The following MAST1 variants were observed in gnomAD, a reference collection of about 807,000 sequenced individuals.
MAST1 encodes the protein microtubule-associated serine/threonine-protein kinase 1.
A neutral mutation model predicts 124.6 loss-of-function variants in MAST1; 40 were observed. The observed-to-expected ratio is 0.32, with a 90% CI of 0.25 to 0.42. The LOEUF (loss-of-function observed/expected upper bound fraction) is 0.42, where lower values mean the gene tolerates loss of function less well. Among genes scored for constraint, MAST1 ranks in the 10% least tolerant of loss-of-function variants. The pLI, the probability that MAST1 is intolerant of heterozygous loss-of-function variation, is 1.00. For missense variants in MAST1, 1,558 were observed against 2,181.9 expected (o/e 0.71, Z 5.70); for synonymous variants, 938 against 939.4 (o/e 1.00, Z 0.03).
At chr19:12,863,317 G>T (rs1345670931) in intron 12 of MAST1, among the ~76,000 whole-genome samples, 1 of 152,092 alleles carries the variant, frequency 6.6e-6, no homozygotes, top group African/African-American at 2.4e-5. Flanking sequence ...GGCCAAATCA[G>T]TATCTCTATG....
rs1255541056 is a variant in MAST1 at position 12,851,289 on chromosome 19, G to A, written c.775-645G>A. Among the ~76,000 whole-genome samples the A allele has an allele frequency of 2.7e-5, 4 of 147,342 alleles. No homozygotes were observed. The East Asian group carries it at 8.0e-4, about 29-fold the overall frequency. ...TTTTCTTTTTTTTTTTTTGAGACAG[G>A]GTCTCTCTCTCTGTCACCCAGGCAG... On this transcript the variant is annotated intron_variant, in intron 7 of 25. Transcript: ENST00000251472.
In MAST1 at chr19:12,866,224, A is replaced by G. The variant is rs1599589150; in HGVS notation, c.2029+122A>G. On this transcript the variant is annotated intron_variant, in intron 17 of 25. Transcript: ENST00000251472. The surrounding 1 kb of genome is among the most constrained non-coding windows in gnomAD (Gnocchi z 5.2). ...ACCAAGATGTGATGCCTAGGTGCGA[A>G]GGTGGTATTTTGGTGGGGGCGGGGC... 3 of 477,364 alleles carry G rather than the reference A, an allele frequency of 6.3e-6. No individual in the cohort carries two copies. The highest frequency in any genetic ancestry group is 5.3e-5 in the Admixed American group (1 of 18,794). The allele number at this position is 477,364 out of a possible 1,614,324, so 29.6% of individuals were successfully genotyped here. A position where few individuals can be genotyped will look rare whatever the true frequency, so the allele number is the denominator to read the frequency against.
chr19:12,873,133 GT>G (rs201035546), intron 24 of MAST1, 190 bp from the exon 25 acceptor site: 8,425 of 607,038 alleles, frequency 0.014, 102 homozygotes, highest in Middle Eastern at 0.044. Context: ...AAGGGGGTGG[GT>G]GGGGACTGAA....
In MAST1 at chr19:12,865,967, C is replaced by G; in HGVS notation, c.1907-13C>G. On this transcript the variant is annotated splice_polypyrimidine_tract_variant and intron_variant, in intron 16 of 25. Coordinates refer to ENST00000251472, the MANE Select transcript of MAST1 (RefSeq NM_014975.3). The surrounding 1 kb of genome is among the most constrained non-coding windows in gnomAD (Gnocchi z 7.1). ...TTGGCCATCAGCTGTGGCTGGAATCCCTTCCGTCCCAGGCGGCGCTTTTGA... is the reference window on the plus strand; with the variant it reads ...TTGGCCATCAGCTGTGGCTGGAATCGCTTCCGTCCCAGGCGGCGCTTTTGA... 2 of 1,613,490 alleles carry G rather than the reference C, an allele frequency of 1.2e-6. No homozygotes were observed. The highest frequency in any genetic ancestry group is 1.7e-6 in the Non-Finnish European group (2 of 1,179,890).
rs1970279553 is a variant in MAST1 at position 12,874,165 on chromosome 19, A to T, written c.4008A>T (p.Ser1336=). The T allele has an allele frequency of 6.5e-7, 1 of 1,541,118 alleles. No individual in the cohort carries two copies. ...VAVRRLGRQE[S]PLSLGADPLL... is the part of the protein sequence containing the mutation. The stretch of plus-strand genomic sequence containing the variant: ...TCCGCCGCCTGGGCCGACAGGAGTC[A>T]CCTTTGAGCCTGGGCGCGGACCCGT... The change falls in exon 26 of 26, where the codon TCA becomes TCT. Residue 1336 remains serine, a synonymous_variant. Coordinates refer to ENST00000251472, the MANE Select transcript of MAST1 (RefSeq NM_014975.3). The surrounding 1 kb of genome is among the most constrained non-coding windows in gnomAD (Gnocchi z 6.6).
In MAST1 at chr19:12,867,757, T is replaced by A. The variant is rs1247973883; in HGVS notation, c.2346T>A (p.Ser782Arg). The A allele has an allele frequency of 6.5e-7, 1 of 1,539,994 alleles. No homozygotes were observed. Among genetic ancestry groups the A allele is most frequent in the Non-Finnish European group, 8.7e-7 (1 of 1,143,564 alleles). The change falls in exon 20 of 26, where the codon AGT becomes AGA. Residue 782 changes from serine (S) to arginine (R), a missense_variant. Physicochemically the swap from Ser to Arg is moderately radical, Grantham distance 110. Transcript: ENST00000251472. Reference protein sequence around the residue: ...EIKRFSASEASFLEGEASPPL... With the variant: ...EIKRFSASEARFLEGEASPPL... Reference sequence around the variant, plus strand: ...AGCGATTCTCCGCGTCCGAGGCCAGTTTCCTGGAGGGAGAGGCCAGTCCCC... The same window carrying A: ...AGCGATTCTCCGCGTCCGAGGCCAGATTCCTGGAGGGAGAGGCCAGTCCCC...
rs748262889 is a variant in MAST1 at position 12,852,108 on chromosome 19, G to T, written c.877-7G>T. The T allele has an allele frequency of 6.2e-7, 1 of 1,613,564 alleles. No homozygotes were observed. The highest frequency in any genetic ancestry group is 1.3e-5 in the African/African-American group (1 of 74,956). ...CCTGTGGTGAGCCCACTCCTGCCCT[G>T]CCTCAGGAATTCAACCCCGAGGAGT... On this transcript the variant is annotated splice_polypyrimidine_tract_variant and splice_region_variant and intron_variant, in intron 8 of 25. Coordinates refer to ENST00000251472, the MANE Select transcript of MAST1 (RefSeq NM_014975.3).
intron 4 of MAST1, among the ~76,000 whole-genome samples, chr19:12,845,284 A>C (rs1187970076): frequency 6.9e-6 from 1 of 144,394 alleles, no homozygotes; most frequent in Non-Finnish European, 1.5e-5. Context: ...GCCTGGGTGA[A>C]AGCTATATGA....
At chr19:12,858,065 C>T (rs1339826632) in intron 10 of MAST1, among the ~76,000 whole-genome samples, 2 of 144,560 alleles carry the variant, frequency 1.4e-5, no homozygotes, top group African/African-American at 5.1e-5. Flanking sequence ...CTTACCTCAC[C>T]CACTTTTTTC....
chr19:12,854,710 G>A (rs1299819677), intron 10 of MAST1, among the ~76,000 whole-genome samples: 1 of 152,186 alleles, frequency 6.6e-6, no homozygotes, highest in Non-Finnish European at 1.5e-5. Context: ...TACGTCTAGA[G>A]GTGGAATTTC....
At chr19:12,859,390 T>C (rs1291005815) in intron 12 of MAST1, among the ~76,000 whole-genome samples, 1 of 152,142 alleles carries the variant, frequency 6.6e-6, no homozygotes, top group Non-Finnish European at 1.5e-5. Flanking sequence ...TATTTTATTT[T>C]ATTTATTTAT....
chr19:12,870,803 T>C, intron 22 of MAST1, 21 bp from the exon 23 acceptor site: 1 of 1,589,098 alleles, frequency 6.3e-7, no homozygotes, highest in Non-Finnish European at 8.6e-7. Flanking sequence ...ACCCTGTCCC[T>C]ATGGGGTGCT....
In MAST1 at chr19:12,847,353, C is replaced by G; in HGVS notation, c.391C>G (p.His131Asp). ...LPYQPTVDELHFLSKHFGSTE... is the reference protein window; with the variant it reads ...LPYQPTVDELDFLSKHFGSTE... ...CTACCAGCCCACGGTGGACGAGCTC[C>G]ACTTCCTCTCCAAACACTTCGGGAG... The change falls in exon 5 of 26, where the codon CAC (histidine) becomes GAC (aspartate). Residue 131 changes from histidine (H) to aspartate (D), a missense_variant. By Grantham distance (81) the His-to-Asp change is moderately conservative. Coordinates refer to ENST00000251472, the MANE Select transcript of MAST1 (RefSeq NM_014975.3). This position sits in a 1 kb window ranked among gnomAD's most constrained non-coding sequence, Gnocchi z 5.5. 6.2e-7 allele frequency: 1 copy of G among 1,613,976 alleles called. No individual in the cohort carries two copies. Among genetic ancestry groups the G allele is most frequent in the Non-Finnish European group, 8.5e-7 (1 of 1,180,010 alleles).
At position 12,841,056 on chromosome 19, in the gene MAST1, T is replaced by A; in HGVS notation, c.238T>A (p.Ser80Thr). 6.7e-7 allele frequency: 1 copy of A among 1,490,586 alleles called. No individual in the cohort carries two copies. The highest frequency in any genetic ancestry group is 9.4e-7 in the Non-Finnish European group (1 of 1,067,190). 92.3% of individuals were successfully genotyped at this position (1,490,586 alleles called of 1,614,324 possible). The change falls in exon 3 of 26, where the codon TCC becomes ACC. Residue 80 changes from serine to threonine, a missense_variant. Around this residue, in one of 10 missense-constraint regions of MAST1, gnomAD observed 57 missense variants for 35.3 expected, o/e 1.62. Coordinates refer to ENST00000251472, the MANE Select transcript of MAST1 (RefSeq NM_014975.3). The surrounding 1 kb of genome is among the most constrained non-coding windows in gnomAD (Gnocchi z 4.3). ...PNTPAHFSFA[S>T]SRRADGRRWS... The stretch of plus-strand genomic sequence containing the variant: ...CACCCCCGCCCACTTCTCGTTTGCC[T>A]CCTCCCGAAGGTGAGTCCCTCCCCT...
At chr19:12,848,121 C>T in intron 7 of MAST1, 64 bp downstream of exon 7, 1 of 1,430,384 alleles carries the variant, frequency 7.0e-7, no homozygotes, top group East Asian at 2.4e-5. Flanking sequence ...CCCAATGCAC[C>T]CCTTTCTTCA....
Position 12,874,533 on chromosome 19 carries a change from G to A in MAST1, c.4376G>A (p.Gly1459Glu). The stretch of plus-strand genomic sequence containing the variant: ...CAGCCTCTGGGCGCGGACTCCAAGG[G>A]GTTGCAGGAACCCGCACCCCTGGCG... ...VPQPLGADSK[G>E]LQEPAPLAPS... is the part of the protein sequence containing the mutation. Residue 1459 changes from glycine to glutamate, a missense_variant, in exon 26 of 26, where the codon GGG becomes GAG. Gly to Glu is a moderately conservative substitution (Grantham distance 98). Around this residue, in one of 10 missense-constraint regions of MAST1, gnomAD observed 168 missense variants for 154.3 expected, o/e 1.09. Transcript: ENST00000251472. The surrounding 1 kb of genome is among the most constrained non-coding windows in gnomAD (Gnocchi z 6.6). 1 of 1,523,746 alleles carries A rather than the reference G, an allele frequency of 6.6e-7. No homozygotes were observed. 94.4% of individuals were successfully genotyped at this position (1,523,746 alleles called of 1,614,324 possible). A position where few individuals can be genotyped will look rare whatever the true frequency, so the allele number is the denominator to read the frequency against.
rs745784148 is a variant in MAST1, at chr19:12,872,251, G to C, written c.3264-1073G>C. ...GGTGGGAGGTGGGTGGGGCCAGAAG[G>C]GTATTCTGTTTGTTTGTTTGTTTTT... On this transcript the variant is annotated intron_variant, in intron 24 of 25. Coordinates refer to ENST00000251472, the MANE Select transcript of MAST1 (RefSeq NM_014975.3). Among the ~76,000 whole-genome samples the C allele has an allele frequency of 2.0e-5, 3 of 152,124 alleles. No homozygotes were observed. The South Asian group carries it at 6.2e-4, about 31-fold the overall frequency.
intron 2 of MAST1, 147 bp from the exon 3 acceptor site, chr19:12,840,844 A>G: frequency 2.6e-6 from 2 of 765,098 alleles, no homozygotes; most frequent in South Asian, 2.7e-5. Flanking sequence ...CGGCAACGAA[A>G]AAATTTAGAG....
Position 12,847,414 on chromosome 19 carries a change from G to A in MAST1, c.452G>A (p.Arg151His), listed in dbSNP as rs772811410. 6.2e-7 allele frequency: 1 copy of A among 1,613,586 alleles called. No homozygotes were observed. Among genetic ancestry groups the A allele is most frequent in the Non-Finnish European group, 8.5e-7 (1 of 1,179,956 alleles). The change falls in exon 5 of 26, where the codon CGC (arginine) becomes CAC (histidine). Residue 151 changes from arginine (R) to histidine (H), a missense_variant. By Grantham distance (29) the Arg-to-His change is conservative. Coordinates refer to ENST00000251472, the MANE Select transcript of MAST1 (RefSeq NM_014975.3). The surrounding 1 kb of genome is among the most constrained non-coding windows in gnomAD (Gnocchi z 5.5). The part of the protein sequence containing the change: ...ESITDEDGGR[R>H]SPAVRPRSRS... Reference sequence around the variant, plus strand: ...ATCACAGACGAGGATGGTGGCCGTCGCTCCCCAGCCGTGCGGCCCCGCTCA... The same window carrying A: ...ATCACAGACGAGGATGGTGGCCGTCACTCCCCAGCCGTGCGGCCCCGCTCA...
Sources: allele counts gnomAD v4.1 joint callset (sites outside exome capture counted in the v4.1 genomes callset), GRCh38; gene constraint gnomAD v4.1.1; regional missense constraint gnomAD v4.1.1; non-coding constraint Gnocchi (gnomAD v3.1); transcripts MANE v1.5; gene names NCBI Gene and HGNC (gene_info 2026-07-23, HGNC 2026-07-21).